The following PPAT variants were observed in gnomAD, a reference collection of about 807,000 sequenced individuals.
PPAT encodes amidophosphoribosyltransferase.
PPAT carries 20 observed loss-of-function variants against 60.2 expected under a neutral mutation model. The ratio of observed to expected loss-of-function variants is 0.33; its 90% CI spans 0.23 to 0.48. The LOEUF is 0.48. Among genes scored for constraint, PPAT ranks in the 20% least tolerant of loss-of-function variants. The probability of loss-of-function intolerance (pLI) is 0.99; values close to 1 mark genes in which losing one functional copy is unlikely to be tolerated. For missense variants in PPAT, 349 were observed against 629.6 expected (o/e 0.55, Z 4.77); for synonymous variants, 194 against 215.1 (o/e 0.90, Z 0.86).
chr4:56,419,579 A>G, intron 1 of PPAT: 1 of 651,298 alleles, frequency 1.5e-6, no homozygotes, highest in Non-Finnish European at 1.9e-6. Context: ...TGATGTATAT[A>G]ATGCATATAT....
chr4:56,403,538 A>G (rs1716171964), intron 3 of PPAT, 137 bp from the exon 4 acceptor site: 7 of 657,054 alleles, frequency 1.1e-5, no homozygotes, highest in Non-Finnish European at 1.8e-5. Flanking sequence ...CTAATGCAGC[A>G]GTCCCCAACC....
intron 1 of PPAT, chr4:56,416,398 T>C (rs1716751541): frequency 3.3e-6 from 3 of 905,604 alleles, no homozygotes; most frequent in Non-Finnish European, 2.6e-6. Context: ...TCTCAGGAAA[T>C]CCTTTACTTC....
intron 1 of PPAT, among the ~76,000 whole-genome samples, chr4:56,427,972 T>TAC (rs1717382151): frequency 1.3e-5 from 2 of 152,242 alleles, no homozygotes; most frequent in African/African-American, 4.8e-5. Flanking sequence ...TAAAAGAAAT[T>TAC]TAGTAAACAC....
chr4:56,433,784 TC>T (rs904939596), intron 1 of PPAT, among the ~76,000 whole-genome samples: 2 of 151,546 alleles, frequency 1.3e-5, no homozygotes, highest in African/African-American at 2.4e-5. Flanking sequence ...AACCTAAGCC[TC>T]CCGGGTTCAA....
chr4:56,417,390 T>G (rs990501966), intron 1 of PPAT, among the ~76,000 whole-genome samples: 1 of 151,976 alleles, frequency 6.6e-6, no homozygotes, highest in Non-Finnish European at 1.5e-5. Context: ...GACTTAAAAC[T>G]CATGAACCTG....
In PPAT at chr4:56,395,048, C is replaced by G; in HGVS notation, c.*304G>C. 3.5e-6 allele frequency: 1 copy of G among 286,608 alleles called. No individual in the cohort carries two copies. Among genetic ancestry groups the G allele is most frequent in the Non-Finnish European group, 6.4e-6 (1 of 155,376 alleles). The allele number at this position is 286,608 out of a possible 1,614,324, so 17.8% of individuals were successfully genotyped here. ...TCCTTAACCCTAACTTCTTGCAAAC[C>G]CTTTAAAGCATGGACTTGGGAAATG... On this transcript the variant is annotated 3_prime_UTR_variant, in exon 11 of 11. Transcript: ENST00000264220.
chr4:56,408,909 C>T (rs963225317), intron 1 of PPAT, among the ~76,000 whole-genome samples: 1 of 152,106 alleles, frequency 6.6e-6, no homozygotes, highest in Non-Finnish European at 1.5e-5. Flanking sequence ...TGTAACTGGG[C>T]GCGCTAACCT....
At chr4:56,408,965 T>C (rs965403255) in intron 1 of PPAT, among the ~76,000 whole-genome samples, 1 of 152,156 alleles carries the variant, frequency 6.6e-6, no homozygotes, top group African/African-American at 2.4e-5. Context: ...TCTGTCTGCC[T>C]ATAGAAATGA....
intron 1 of PPAT, among the ~76,000 whole-genome samples, chr4:56,424,567 T>A (rs951891729): frequency 6.6e-6 from 1 of 152,200 alleles, no homozygotes; most frequent in Admixed American, 6.5e-5. Context: ...CTATTCCTAT[T>A]ATGTTAAGTA....
chr4:56,398,456 T>C (rs1253153272), intron 9 of PPAT, among the ~76,000 whole-genome samples: 1 of 152,086 alleles, frequency 6.6e-6, no homozygotes, highest in Non-Finnish European at 1.5e-5. Context: ...CAATCAATAC[T>C]CCATTGATTT....
chr4:56,427,642 T>A (rs1297979144), intron 1 of PPAT, among the ~76,000 whole-genome samples: 6 of 140,498 alleles, frequency 4.3e-5, no homozygotes, highest in African/African-American at 1.6e-4. Flanking sequence ...CCCTGTCTCT[T>A]AAAAAAAAAA....
rs146221614 is a variant in PPAT at position 56,396,380 on chromosome 4, C to T, written c.1357+239G>A. Reference sequence around the variant, plus strand: ...GTGATTATGATTGCACTTCCCTCCACCTGGAAACCACCTCTTCCTTCTCTG... The same window carrying T: ...GTGATTATGATTGCACTTCCCTCCATCTGGAAACCACCTCTTCCTTCTCTG... On this transcript the variant is annotated intron_variant, in intron 10 of 10. Transcript: ENST00000264220. The surrounding 1 kb of genome is among the most constrained non-coding windows in gnomAD (Gnocchi z 4.6). 2 of 307,840 alleles carry T rather than the reference C, an allele frequency of 6.5e-6. No homozygotes were observed. Among genetic ancestry groups the T allele is most frequent in the East Asian group, 5.6e-5 (1 of 17,798 alleles). The allele number at this position is 307,840 out of a possible 1,614,324, so 19.1% of individuals were successfully genotyped here. A position where few individuals can be genotyped will look rare whatever the true frequency, so the allele number is the denominator to read the frequency against.
In PPAT at chr4:56,435,452, C is replaced by T. The variant is rs1340292656; in HGVS notation, c.26G>A (p.Arg9Gln). The T allele has an allele frequency of 2.5e-6, 4 of 1,613,892 alleles. No homozygotes were observed. Among genetic ancestry groups the T allele is most frequent in the Non-Finnish European group, 8.5e-7 (1 of 1,179,922 alleles). ...GCACCCGAACACGCCACATTCCTCT[C>T]GGATCCCCAACTCCTCCAGCTCCAT... The part of the protein sequence containing the change: MELEELGI[R>Q]EECGVFGCIA... The change falls in exon 1 of 11, where the codon CGA becomes CAA. Residue 9 changes from arginine (R) to glutamine (Q), a missense_variant. Arg to Gln is a conservative substitution (Grantham distance 43). Around this residue, in one of 5 missense-constraint regions of PPAT, gnomAD observed 115 missense variants for 174.5 expected, o/e 0.66. Transcript: ENST00000264220.
intron 5 of PPAT, 96 bp downstream of exon 5, chr4:56,402,944 C>T (rs1266072908): frequency 1.8e-6 from 2 of 1,134,726 alleles, no homozygotes; most frequent in Non-Finnish European, 2.4e-6. Flanking sequence ...CCCTCCCACC[C>T]ATCAACTTTC....
At position 56,396,883 on chromosome 4, in the gene PPAT, G is replaced by GT. The variant is rs553701803; in HGVS notation, c.1237-145dup. On this transcript the variant is annotated intron_variant, in intron 9 of 10. Coordinates refer to ENST00000264220, the MANE Select transcript of PPAT (RefSeq NM_002703.5). The surrounding 1 kb of genome is among the most constrained non-coding windows in gnomAD (Gnocchi z 4.6). ...ATTCTTTCTACAAAGCTGCTTCTTG[G>GT]TTTTTTTTTTCTTTCACCTAATCAT... is the stretch of plus-strand genomic sequence containing the variant. The GT allele has an allele frequency of 0.022, 14,695 of 678,076 alleles. No individual in the cohort carries two copies. Among genetic ancestry groups the GT allele is most frequent in the South Asian group, 0.032 (891 of 27,566 alleles). 42.0% of individuals were successfully genotyped at this position (678,076 alleles called of 1,614,324 possible).
intron 1 of PPAT, chr4:56,421,726 C>T (rs1160162737): frequency 6.6e-6 from 1 of 152,224 alleles, no homozygotes; most frequent in Non-Finnish European, 1.5e-5. Context: ...TGCTAGAGAA[C>T]TATACATCTC....
At chr4:56,414,452 T>C (rs1437006429) in intron 1 of PPAT, 9 of 152,238 alleles carry the variant, frequency 5.9e-5, no homozygotes, top group Non-Finnish European at 1.5e-5. Flanking sequence ...AGAATTCCTT[T>C]GGCCTATGGC....
At chr4:56,409,688 G>T (rs750509149) in intron 1 of PPAT, among the ~76,000 whole-genome samples, 3 of 152,172 alleles carry the variant, frequency 2.0e-5, no homozygotes, top group African/African-American at 7.2e-5. Context: ...TAATAGTTCT[G>T]AACAAGTGCT....
chr4:56,408,437 A>G (rs1484284691), intron 1 of PPAT: 5 of 137,316 alleles, frequency 3.6e-5, no homozygotes, highest in Non-Finnish European at 8.1e-5. Context: ...TCCGTCTCAA[A>G]AAAAAAAAAA....
Sources: allele counts gnomAD v4.1 joint callset (sites outside exome capture counted in the v4.1 genomes callset), GRCh38; gene constraint gnomAD v4.1.1; regional missense constraint gnomAD v4.1.1; non-coding constraint Gnocchi (gnomAD v3.1); transcripts MANE v1.5; gene names NCBI Gene and HGNC (gene_info 2026-07-23, HGNC 2026-07-21).